PJA2: variants seen among roughly 807,000 people sequenced by gnomAD.
The protein encoded by PJA2 is praja ring finger ubiquitin ligase 2, also known as E3 ubiquitin-protein ligase Praja-2.
Under a neutral mutation model 69.3 loss-of-function variants are expected in PJA2, and 25 were observed. The observed-to-expected ratio is 0.36, with a 90% CI of 0.26 to 0.50. The LOEUF (loss-of-function observed/expected upper bound fraction) is 0.50. PJA2 is among the 20% of genes least tolerant of loss of function. The pLI, the probability that PJA2 is intolerant of heterozygous loss-of-function variation, is 0.96. For missense variants in PJA2, 809 were observed against 830.2 expected, an observed-to-expected ratio of 0.97 and a Z score of 0.31; for synonymous variants, 308 against 277.8, an observed-to-expected ratio of 1.11 and a Z score of -1.08.
chr5:109,384,720 T>G (rs1303466709), intron 1 of PJA2, among the ~76,000 whole-genome samples: 1 of 152,084 alleles, frequency 6.6e-6, no homozygotes, highest in Non-Finnish European at 1.5e-5. Flanking sequence ...AGTATCTGAA[T>G]CAAAAGAGGC....
intron 4 of PJA2, among the ~76,000 whole-genome samples, chr5:109,372,156 A>G (rs1375626361): frequency 6.6e-6 from 1 of 152,242 alleles, no homozygotes; most frequent in African/African-American, 2.4e-5. Flanking sequence ...TAATGATTAA[A>G]TTAAAAACAT....
intron 1 of PJA2, among the ~76,000 whole-genome samples, chr5:109,389,248 G>A (rs1747230700): frequency 6.6e-6 from 1 of 152,064 alleles, no homozygotes; most frequent in African/African-American, 2.4e-5. Context: ...TTAAATGTAA[G>A]GCAGATTTGT....
chr5:109,358,960 T>A (rs1200240106), intron 6 of PJA2, among the ~76,000 whole-genome samples: 1 of 152,212 alleles, frequency 6.6e-6, no homozygotes, highest in African/African-American at 2.4e-5. Flanking sequence ...GCTAGAAGCC[T>A]ACTGACTATA....
At chr5:109,395,484 G>C (rs1314251089) in intron 1 of PJA2, among the ~76,000 whole-genome samples, 1 of 152,148 alleles carries the variant, frequency 6.6e-6, no homozygotes, top group Admixed American at 6.5e-5. Flanking sequence ...CCGTGATTGT[G>C]CCACTGCCCT....
chr5:109,342,981 C>T (rs1179115539), intron 9 of PJA2, among the ~76,000 whole-genome samples: 26 of 91,202 alleles, frequency 2.9e-4, no homozygotes, highest in South Asian at 7.1e-4. Context: ...CCCCTCTGCC[C>T]GGCCACCACC....
chr5:109,390,006 G>A (rs1480096243), intron 1 of PJA2, among the ~76,000 whole-genome samples: 1 of 150,992 alleles, frequency 6.6e-6, no homozygotes, highest in East Asian at 1.9e-4. Flanking sequence ...ACTACTTTAT[G>A]ACCCAGAATA....
chr5:109,380,280 C>A (rs548991412), intron 3 of PJA2, among the ~76,000 whole-genome samples: 2 of 151,928 alleles, frequency 1.3e-5, no homozygotes, highest in South Asian at 4.2e-4. Flanking sequence ...CAGATTCTTA[C>A]ATATGACAGC....
intron 7 of PJA2, among the ~76,000 whole-genome samples, chr5:109,347,032 G>C (rs1762182379): frequency 6.6e-6 from 1 of 151,978 alleles, no homozygotes; most frequent in African/African-American, 2.4e-5. Flanking sequence ...CTTATAATAG[G>C]GATTACAACT....
At chr5:109,405,513 A>G (rs1026827368) in intron 1 of PJA2, among the ~76,000 whole-genome samples, 8 of 152,246 alleles carry the variant, frequency 5.3e-5, no homozygotes, top group African/African-American at 9.6e-5. Flanking sequence ...TTCAATACTT[A>G]TAAGTAAAAA....
In PJA2 at chr5:109,381,822, A is replaced by G. The variant is rs62375646; in HGVS notation, c.32-119T>C. The G allele has an allele frequency of 2.8e-3, 2,245 of 791,944 alleles. 8 individuals carry two copies. Among genetic ancestry groups the G allele is most frequent in the Middle Eastern group, 7.5e-3 (26 of 3,460 alleles). 49.1% of individuals were successfully genotyped at this position (791,944 alleles called of 1,614,324 possible). A position where few individuals can be genotyped will look rare whatever the true frequency, so the allele number is the denominator to read the frequency against. Reference sequence around the variant, plus strand: ...TTTATCAAATCATATGCTTCTGAACATGAAGTGTACCTTACTAGTACTATA... The same window carrying G: ...TTTATCAAATCATATGCTTCTGAACGTGAAGTGTACCTTACTAGTACTATA... On this transcript the variant is annotated intron_variant, in intron 2 of 9. Transcript: ENST00000361189.
At chr5:109,406,899 T>C (rs1212850741) in intron 1 of PJA2, among the ~76,000 whole-genome samples, 3 of 152,130 alleles carry the variant, frequency 2.0e-5, no homozygotes, top group Non-Finnish European at 4.4e-5. Context: ...TGGATAATCC[T>C]GAAAAACATG....
chr5:109,346,912 G>T (rs893506796), intron 7 of PJA2, among the ~76,000 whole-genome samples: 1 of 152,226 alleles, frequency 6.6e-6, no homozygotes, highest in East Asian at 1.9e-4. Flanking sequence ...TATAGAAGAA[G>T]AATTCTGCCT....
chr5:109,386,858 T>C (rs1476976867), intron 1 of PJA2, among the ~76,000 whole-genome samples: 2 of 89,584 alleles, frequency 2.2e-5, no homozygotes, highest in Non-Finnish European at 4.4e-5. Context: ...ACCAAATTTT[T>C]CTGTCTGGAA....
intron 1 of PJA2, among the ~76,000 whole-genome samples, chr5:109,391,201 T>C (rs1394036537): frequency 2.0e-5 from 3 of 152,182 alleles, no homozygotes; most frequent in African/African-American, 7.2e-5. Context: ...AACTCCTCCA[T>C]GTCCATGGTT....
chr5:109,385,350 T>C (rs1747132780), intron 1 of PJA2, among the ~76,000 whole-genome samples: 1 of 152,136 alleles, frequency 6.6e-6, no homozygotes, highest in South Asian at 2.1e-4. Context: ...ATTCTGGACA[T>C]ATTGTAAAAA....
Position 109,379,112 on chromosome 5 carries a change from A to G in PJA2, c.375T>C (p.Ser125=). ...SSQSFVAVHH[S]EEGRDTLGSS... ...TTCCTAAGGTATCCCTGCCTTCCTC[A>G]CTGTGATGTACTGCAACAAAGGATT... Residue 125 remains serine (S), a synonymous_variant, in exon 4 of 10, where the codon AGT becomes AGC. Coordinates refer to ENST00000361189, the MANE Select transcript of PJA2 (RefSeq NM_014819.5). 6.2e-7 allele frequency: 1 copy of G among 1,613,776 alleles called. No individual in the cohort carries two copies. Among genetic ancestry groups the G allele is most frequent in the Non-Finnish European group, 8.5e-7 (1 of 1,179,928 alleles).
At chr5:109,357,168 G>C (rs1310388150) in intron 6 of PJA2, among the ~76,000 whole-genome samples, 10 of 152,124 alleles carry the variant, frequency 6.6e-5, no homozygotes, top group Admixed American at 6.6e-4. Context: ...GGCACCCTGA[G>C]TAGATGTACT....
intron 1 of PJA2, among the ~76,000 whole-genome samples, chr5:109,404,493 C>T (rs1747636240): frequency 1.3e-5 from 2 of 151,816 alleles, no homozygotes; most frequent in African/African-American, 4.8e-5. Context: ...TCCAGCCTAG[C>T]CGACAGAGCA....
intron 1 of PJA2, among the ~76,000 whole-genome samples, chr5:109,404,157 C>T (rs10039536): frequency 0.11 from 16,375 of 152,022 alleles, 1,860 homozygotes; most frequent in East Asian, 0.35. Context: ...TGATAAAAGG[C>T]CACTTGTCTT....
Sources: gnomAD v4.1 joint callset for allele counts (sites outside exome capture counted in the v4.1 genomes callset) on GRCh38, gnomAD v4.1.1 for gene constraint, MANE v1.5 for transcripts, NCBI Gene and HGNC (gene_info 2026-07-23, HGNC 2026-07-21) for gene names.